MAL: variants seen among roughly 807,000 people sequenced by gnomAD.
MAL encodes mal, T cell differentiation protein (MAL blood group).
A neutral mutation model predicts 16.7 loss-of-function variants in MAL; 5 were observed. The observed-to-expected ratio is 0.30, with a 90% CI of 0.16 to 0.63. MAL has a LOEUF of 0.63. Ranked by LOEUF, MAL falls within the 30% of genes least tolerant of loss-of-function variation. The pLI is 0.82. For missense variants in MAL, 202 were observed against 195.8 expected, an observed-to-expected ratio of 1.03 and a Z score of -0.19; for synonymous variants, 96 against 85.5, an observed-to-expected ratio of 1.12 and a Z score of -0.67.
At position 95,053,417 on chromosome 2, in the gene MAL, C is replaced by T; in HGVS notation, c.424C>T (p.His142Tyr). ...CATAGCCACTCTGCTCTACGTGGTC[C>T]ATGCGGTGTTCTCTTTAATCAGATG... Reference protein sequence around the residue: ...SYIATLLYVVHAVFSLIRWKS... With the variant: ...SYIATLLYVVYAVFSLIRWKS... Residue 142 changes from histidine (H) to tyrosine (Y), a missense_variant, in exon 4 of 4, where the codon CAT (histidine) becomes TAT (tyrosine). Physicochemically the swap from His to Tyr is moderately conservative, Grantham distance 83. Transcript: ENST00000309988. 1 of 1,613,702 alleles carries T rather than the reference C, an allele frequency of 6.2e-7. No homozygotes were observed. Among genetic ancestry groups the T allele is most frequent in the South Asian group, 1.1e-5 (1 of 91,064 alleles).
At chr2:95,045,189 T>G (rs1055905626) in intron 1 of MAL, among the ~76,000 whole-genome samples, 16 of 151,572 alleles carry the variant, frequency 1.1e-4, no homozygotes, top group Non-Finnish European at 2.4e-4. Flanking sequence ...CCAAAGAGAG[T>G]AAAGGAGGAG....
chr2:95,048,339 CCTGTT>C (rs1674637800), intron 2 of MAL, among the ~76,000 whole-genome samples: 1 of 152,166 alleles, frequency 6.6e-6, no homozygotes, highest in Non-Finnish European at 1.5e-5. Context: ...CCTCACTGGA[CCTGTT>C]CTGTGTTCTC....
Position 95,025,973 on chromosome 2 carries a change from C to T in MAL, c.93+88C>T. ...CAGCACAGCTGTCGGACGGGATCCG[C>T]TAGCTGCGCAGGTTCTGGGAGCATC... On this transcript the variant is annotated intron_variant, in intron 1 of 3. Transcript: ENST00000309988. This position sits in a 1 kb window ranked among gnomAD's most constrained non-coding sequence, Gnocchi z 5.6. 1.7e-6 allele frequency: 2 copies of T among 1,189,142 alleles called. No homozygotes were observed. Among genetic ancestry groups the T allele is most frequent in the South Asian group, 1.5e-5 (1 of 66,306 alleles). The allele number at this position is 1,189,142 out of a possible 1,614,324, so 73.7% of individuals were successfully genotyped here. A position where few individuals can be genotyped will look rare whatever the true frequency, so the allele number is the denominator to read the frequency against.
chr2:95,043,461 G>A (rs1674516614), intron 1 of MAL, among the ~76,000 whole-genome samples: 2 of 152,208 alleles, frequency 1.3e-5, no homozygotes, highest in South Asian at 2.1e-4. Flanking sequence ...AGGAAGCTGG[G>A]GCCAAGAGGC....
intron 1 of MAL, among the ~76,000 whole-genome samples, chr2:95,041,423 A>G (rs1250755469): frequency 1.3e-5 from 2 of 152,096 alleles, no homozygotes; most frequent in South Asian, 2.1e-4. Context: ...CAAGTTTTGG[A>G]GTAGATGATT....
chr2:95,039,526 G>A (rs1210705081), intron 1 of MAL, among the ~76,000 whole-genome samples: 1 of 151,728 alleles, frequency 6.6e-6, no homozygotes, highest in Non-Finnish European at 1.5e-5. Context: ...GTGACTGAGT[G>A]ACTGAGTGGG....
At chr2:95,043,646 A>G (rs1484493599) in intron 1 of MAL, among the ~76,000 whole-genome samples, 1 of 152,240 alleles carries the variant, frequency 6.6e-6, no homozygotes. Flanking sequence ...AGCTGAGGCA[A>G]CAGCTGTTTC....
intron 3 of MAL, chr2:95,051,263 G>A (rs1211787604): frequency 6.6e-6 from 1 of 152,156 alleles, no homozygotes; most frequent in Non-Finnish European, 1.5e-5. Context: ...TTCATACAGC[G>A]AACTCCCTGT....
At chr2:95,047,289 T>A (rs1305012133) in intron 1 of MAL, among the ~76,000 whole-genome samples, 1 of 152,242 alleles carries the variant, frequency 6.6e-6, no homozygotes, top group Admixed American at 6.5e-5. Flanking sequence ...AGTTTCCTCA[T>A]CTGGCAAACA....
At position 95,053,361 on chromosome 2, in the gene MAL, G is replaced by T. The variant is rs1558663526; in HGVS notation, c.388-20G>T. On this transcript the variant is annotated intron_variant, in intron 3 of 3. Transcript: ENST00000309988. ...CCCTCCCTACACAAACCCATTAACG[G>T]CCATTTCTCTTGGTTCCAGGTGTTC... 6.4e-7 allele frequency: 1 copy of T among 1,572,090 alleles called. No homozygotes were observed.
chr2:95,025,960 C>A lies in MAL; in HGVS notation c.93+75C>A. On this transcript the variant is annotated intron_variant, in intron 1 of 3. Coordinates refer to ENST00000309988, the MANE Select transcript of MAL (RefSeq NM_002371.4). The surrounding 1 kb of genome is among the most constrained non-coding windows in gnomAD (Gnocchi z 5.6). ...TCTCTCGGGCGCCCAGCACAGCTGT[C>A]GGACGGGATCCGCTAGCTGCGCAGG... 1 of 1,292,714 alleles carries A rather than the reference C, an allele frequency of 7.7e-7. No individual in the cohort carries two copies. Among genetic ancestry groups the A allele is most frequent in the Non-Finnish European group, 1.1e-6 (1 of 934,692 alleles). 80.1% of individuals were successfully genotyped at this position (1,292,714 alleles called of 1,614,324 possible). A position where few individuals can be genotyped will look rare whatever the true frequency, so the allele number is the denominator to read the frequency against.
chr2:95,038,068 CTGAGTGATTGAGTGTG>C (rs1235980094), intron 1 of MAL, among the ~76,000 whole-genome samples: 213 of 125,324 alleles, frequency 1.7e-3, no homozygotes, highest in South Asian at 2.5e-3. Flanking sequence ...GAGTGAGTGA[CTGAGTGATTGAGTGTG>C]TGAGTGACTG....
At chr2:95,038,612 C>CTGAG (rs199918011) in intron 1 of MAL, among the ~76,000 whole-genome samples, 6 of 68,376 alleles carry the variant, frequency 8.8e-5, no homozygotes, top group Middle Eastern at 0.014. Context: ...GGGTGAGTGA[C>CTGAG]TGAGTGAGTG....
At chr2:95,027,304 C>T (rs1673966961) in intron 1 of MAL, among the ~76,000 whole-genome samples, 1 of 152,168 alleles carries the variant, frequency 6.6e-6, no homozygotes, top group Admixed American at 6.5e-5. Context: ...ATTACAGGGG[C>T]GTGGGAAACC....
chr2:95,038,117 T>A lies in MAL; in HGVS notation c.94-9842T>A, dbSNP rs144581168. 3.6e-3 allele frequency among the ~76,000 whole-genome samples: 519 copies of A among 143,576 alleles called. 5 individuals carry two copies. Among genetic ancestry groups the A allele is most frequent in the Non-Finnish European group, 5.5e-3 (351 of 63,350 alleles). 94.2% of individuals were successfully genotyped at this position (143,576 alleles called of 152,430 possible). A position where few individuals can be genotyped will look rare whatever the true frequency, so the allele number is the denominator to read the frequency against. On this transcript the variant is annotated intron_variant, in intron 1 of 3. Transcript: ENST00000309988. ...CTGACTGAGTGAGTGAGAGACTGAGTGACCGAGTGGGTGAGTGACTTGATG... is the reference window on the plus strand; with the variant it reads ...CTGACTGAGTGAGTGAGAGACTGAGAGACCGAGTGGGTGAGTGACTTGATG...
chr2:95,048,528 G>A (rs1353849164), intron 2 of MAL, among the ~76,000 whole-genome samples: 2 of 152,224 alleles, frequency 1.3e-5, no homozygotes, highest in African/African-American at 2.4e-5. Context: ...TGGCTCTGAG[G>A]GTCAGGCCAT....
In MAL at chr2:95,053,802, C is replaced by T; in HGVS notation, c.*347C>T. 3.7e-6 allele frequency: 1 copy of T among 271,500 alleles called. No individual in the cohort carries two copies. The allele number at this position is 271,500 out of a possible 1,614,324, so 16.8% of individuals were successfully genotyped here. A position where few individuals can be genotyped will look rare whatever the true frequency, so the allele number is the denominator to read the frequency against. Reference sequence around the variant, plus strand: ...AAAGATCCTCTGCTGACCCCTGGAGCAGCTCTCGAGAACTACCTGTTGGTA... The same window carrying T: ...AAAGATCCTCTGCTGACCCCTGGAGTAGCTCTCGAGAACTACCTGTTGGTA... On this transcript the variant is annotated 3_prime_UTR_variant, in exon 4 of 4. Transcript: ENST00000309988.
At chr2:95,037,148 AGTAACTGAGTGG>A (rs1674240077) in intron 1 of MAL, among the ~76,000 whole-genome samples, 1 of 149,310 alleles carries the variant, frequency 6.7e-6, no homozygotes, top group African/African-American at 2.5e-5. Context: ...TGACTGAGTG[AGTAACTGAGTGG>A]GTGAGTGAGT....
chr2:95,049,828 C>G (rs1463025705), intron 3 of MAL, 122 bp downstream of exon 3: 1 of 1,397,390 alleles, frequency 7.2e-7, no homozygotes, highest in Admixed American at 2.2e-5. Flanking sequence ...TGAGGTCAAA[C>G]CTTGCCTTCA....
Sources: gnomAD v4.1 joint callset for allele counts (sites outside exome capture counted in the v4.1 genomes callset) on GRCh38, gnomAD v4.1.1 for gene constraint, Gnocchi (gnomAD v3.1) non-coding constraint, MANE v1.5 for transcripts, NCBI Gene and HGNC (gene_info 2026-07-23, HGNC 2026-07-21) for gene names.